RYR2: variants seen among roughly 807,000 people sequenced by gnomAD.
RYR2 encodes cardiac muscle ryanodine receptor-calcium release channel.
In RYR2, 227 loss-of-function variants were observed where a neutral mutation model predicts 601.1. That is an observed-to-expected ratio of 0.38 (90% CI 0.34 to 0.42). The LOEUF is 0.42. Ranked by LOEUF, RYR2 falls within the 10% of genes least tolerant of loss-of-function variation. RYR2 has a pLI of 1.00. For missense variants in RYR2, 4,646 were observed against 6,156.5 expected (o/e 0.75, Z 8.21); for synonymous variants, 2,223 against 2,175.1 (o/e 1.02, Z -0.61).
intron 35 of RYR2, among the ~76,000 whole-genome samples, chr1:237,607,515 G>T (rs1677277097): frequency 6.6e-6 from 1 of 152,072 alleles, no homozygotes; most frequent in Non-Finnish European, 1.5e-5. Flanking sequence ...CATGGCACAT[G>T]TATACATATG....
chr1:237,042,531 G>A lies in RYR2; in HGVS notation c.10G>A (p.Gly4Arg). 8.0e-7 allele frequency: 1 copy of A among 1,257,754 alleles called. No individual in the cohort carries two copies. Among genetic ancestry groups the A allele is most frequent in the Non-Finnish European group, 1.0e-6 (1 of 993,320 alleles). 77.9% of individuals were successfully genotyped at this position (1,257,754 alleles called of 1,614,324 possible). ...GAGGAGGCGCGGAACCATGGCCGAT[G>A]GGGGCGAGGGCGAAGACGAGATCCA... MADGGEGEDEIQFL... is the reference protein window; with the variant it reads MADRGEGEDEIQFL... The change falls in exon 1 of 105, where the codon GGG becomes AGG. Residue 4 changes from glycine to arginine, a missense_variant. By Grantham distance (125) the Gly-to-Arg change is moderately radical. Coordinates refer to ENST00000366574, the MANE Select transcript of RYR2 (RefSeq NM_001035.3).
intron 92 of RYR2, among the ~76,000 whole-genome samples, chr1:237,789,041 T>C (rs1658017488): frequency 6.6e-6 from 1 of 151,478 alleles, no homozygotes; most frequent in Admixed American, 6.6e-5. Flanking sequence ...TATGTGTGTA[T>C]ATATGCATAA....
At chr1:237,395,627 A>G (rs139979202) in intron 10 of RYR2, among the ~76,000 whole-genome samples, 6,599 of 142,458 alleles carry the variant, frequency 0.046, 227 homozygotes, top group Non-Finnish European at 0.072. Flanking sequence ...GCTCACTGCA[A>G]GCTCTGCCTC....
intron 58 of RYR2, among the ~76,000 whole-genome samples, chr1:237,671,650 A>G (rs1684954355): frequency 1.3e-5 from 2 of 152,020 alleles, no homozygotes; most frequent in African/African-American, 2.4e-5. Flanking sequence ...TCATCCCTGC[A>G]TCTGTGCAGA....
At chr1:237,619,138 G>A (rs1678804304) in intron 38 of RYR2, among the ~76,000 whole-genome samples, 1 of 152,110 alleles carries the variant, frequency 6.6e-6, no homozygotes, top group Non-Finnish European at 1.5e-5. Context: ...TCAAAATGTT[G>A]AGATTTCAAT....
At chr1:237,445,646 G>T in intron 14 of RYR2, 124 bp downstream of exon 14, 1 of 1,158,722 alleles carries the variant, frequency 8.6e-7, no homozygotes. Flanking sequence ...TGGTAAGTCA[G>T]CAGAAACGTT....
intron 2 of RYR2, among the ~76,000 whole-genome samples, chr1:237,292,066 C>G (rs1267706013): frequency 6.6e-6 from 1 of 152,134 alleles, no homozygotes. Flanking sequence ...TTGCTGTGAA[C>G]ATAAAATTGC....
rs1678279011 is a variant in RYR2, at chr1:237,614,776, C to A, written c.5648C>A (p.Ala1883Asp). 1 of 1,610,734 alleles carries A rather than the reference C, an allele frequency of 6.2e-7. No individual in the cohort carries two copies. The highest frequency in any genetic ancestry group is 1.1e-5 in the South Asian group (1 of 90,920). The change falls in exon 37 of 105, where the codon GCC becomes GAC. Residue 1883 changes from alanine to aspartate, a missense_variant. By Grantham distance (126) the Ala-to-Asp change is moderately radical. Coordinates refer to ENST00000366574, the MANE Select transcript of RYR2 (RefSeq NM_001035.3). This position sits in a 1 kb window ranked among gnomAD's most constrained non-coding sequence, Gnocchi z 4.3. ...CTGCAAGGAGCTGGTGAGGAAGAAG[C>A]CAAGGGGGGCAAGCGGCCCAAGGAA... ...AKLQGAGEEEAKGGKRPKEGL... is the reference protein window; with the variant it reads ...AKLQGAGEEEDKGGKRPKEGL...
chr1:237,674,085 C>T lies in RYR2; in HGVS notation c.8591-11C>T, dbSNP rs1573462853. 1 of 1,607,010 alleles carries T rather than the reference C, an allele frequency of 6.2e-7. No individual in the cohort carries two copies. Among genetic ancestry groups the T allele is most frequent in the African/African-American group, 1.3e-5 (1 of 74,846 alleles). On this transcript the variant is annotated splice_polypyrimidine_tract_variant and intron_variant, in intron 58 of 104. Transcript: ENST00000366574. ...TTACTATGCTGTGTTCTTGTCCTGA[C>T]ATACTCTTAGGAGGAGGAAACCATC...
intron 101 of RYR2, among the ~76,000 whole-genome samples, chr1:237,821,416 C>A (rs1662480594): frequency 6.6e-6 from 1 of 152,140 alleles, no homozygotes; most frequent in South Asian, 2.1e-4. Context: ...CAAACTCCAG[C>A]AGACCTGCAG....
intron 60 of RYR2, among the ~76,000 whole-genome samples, chr1:237,676,510 G>A (rs1685410706): frequency 6.6e-6 from 1 of 152,116 alleles, no homozygotes; most frequent in African/African-American, 2.4e-5. Context: ...CACAACTCCT[G>A]ATGTTGTGTG....
chr1:237,825,880 A>C (rs895598566), intron 101 of RYR2, among the ~76,000 whole-genome samples: 14 of 152,220 alleles, frequency 9.2e-5, no homozygotes, highest in African/African-American at 3.4e-4. Context: ...CACTTCTCAA[A>C]AGACGACATT....
chr1:237,569,021 A>G, intron 28 of RYR2, 124 bp from the exon 29 acceptor site: 1 of 729,346 alleles, frequency 1.4e-6, no homozygotes, highest in Non-Finnish European at 2.2e-6. Context: ...CCGATATGCC[A>G]GCTGGAGTTT....
chr1:237,211,096 T>C (rs1025453765), intron 1 of RYR2, among the ~76,000 whole-genome samples: 1 of 152,208 alleles, frequency 6.6e-6, no homozygotes, highest in African/African-American at 2.4e-5. Flanking sequence ...GCTTAGGTTA[T>C]TGGATGGCAT....
intron 80 of RYR2, among the ~76,000 whole-genome samples, chr1:237,748,687 C>CCT (rs1438359949): frequency 2.0e-5 from 3 of 152,188 alleles, no homozygotes; most frequent in African/African-American, 4.8e-5. Context: ...AAAGCACAAC[C>CCT]CTCTATATTG....
intron 12 of RYR2, among the ~76,000 whole-genome samples, chr1:237,439,410 C>T (rs556453899): frequency 8.5e-5 from 13 of 152,198 alleles, no homozygotes; most frequent in African/African-American, 2.6e-4. Flanking sequence ...TTTGGGAGGC[C>T]GAGGTGGGTG....
At chr1:237,708,693 A>G (rs1474327944) in intron 68 of RYR2, among the ~76,000 whole-genome samples, 165 bp from the exon 69 acceptor site, 3 of 152,172 alleles carry the variant, frequency 2.0e-5, no homozygotes, top group Non-Finnish European at 4.4e-5. Flanking sequence ...GCAGCTATGC[A>G]ATTAGAACTT....
chr1:237,311,616 A>G (rs1292183021), intron 2 of RYR2, among the ~76,000 whole-genome samples: 2 of 151,624 alleles, frequency 1.3e-5, no homozygotes, highest in African/African-American at 4.9e-5. Flanking sequence ...AGTAGCTGGG[A>G]CTATAGGTGT....
chr1:237,268,549 G>A (rs1689301964), intron 1 of RYR2, among the ~76,000 whole-genome samples: 1 of 152,128 alleles, frequency 6.6e-6, no homozygotes, highest in Non-Finnish European at 1.5e-5. Flanking sequence ...CACCTGGAGG[G>A]TCAGTTAGGA....
Sources: gnomAD v4.1 joint callset for allele counts (sites outside exome capture counted in the v4.1 genomes callset) on GRCh38, gnomAD v4.1.1 for gene constraint, Gnocchi (gnomAD v3.1) non-coding constraint, MANE v1.5 for transcripts, NCBI Gene and HGNC (gene_info 2026-07-23, HGNC 2026-07-21) for gene names.